RASEF: variants seen among roughly 807,000 people sequenced by gnomAD.
The protein encoded by RASEF is RAS and EF-hand domain containing, also known as ras and EF-hand domain-containing protein.
RASEF carries 68 observed loss-of-function variants against 90.1 expected under a neutral mutation model. The ratio of observed to expected loss-of-function variants is 0.75; its 90% CI spans 0.62 to 0.92. The LOEUF is 0.92. RASEF is among the 40% of genes least tolerant of loss of function. The probability of loss-of-function intolerance (pLI) is 0.00; values close to 1 mark genes in which losing one functional copy is unlikely to be tolerated. For synonymous variants in RASEF, 331 were observed against 345.2 expected (o/e 0.96, Z 0.46); for missense variants, 949 against 937.2 (o/e 1.01, Z -0.16).
At chr9:83,000,794 T>C in intron 10 of RASEF, 102 bp downstream of exon 10, 1 of 1,082,036 alleles carries the variant, frequency 9.2e-7, no homozygotes, top group South Asian at 1.5e-5. Context: ...GCTTTACATC[T>C]ATGACCTTTA....
intron 1 of RASEF, among the ~76,000 whole-genome samples, chr9:83,035,501 A>C (rs1346936458): frequency 6.6e-5 from 10 of 152,194 alleles, no homozygotes; most frequent in Non-Finnish European, 1.5e-4. Flanking sequence ...AAACTTTTTC[A>C]TATACAGAAG....
chr9:83,197,339 C>T, the RASEF span, among the ~76,000 whole-genome samples: 2 of 152,134 alleles, frequency 1.3e-5, no homozygotes, highest in Non-Finnish European at 1.5e-5. Context: ...TTATAATGCT[C>T]TTACTTCAGG....
intron 15 of RASEF, among the ~76,000 whole-genome samples, chr9:82,990,943 T>C (rs76136003): frequency 0.018 from 2,793 of 152,304 alleles, 39 homozygotes; most frequent in South Asian, 0.077. Flanking sequence ...TAGTTCTCTA[T>C]TATTCAACCT....
intron 2 of RASEF, among the ~76,000 whole-genome samples, chr9:83,023,010 T>C (rs1347772220): frequency 6.6e-6 from 1 of 152,180 alleles, no homozygotes; most frequent in Non-Finnish European, 1.5e-5. Flanking sequence ...TTAAACTAGA[T>C]TGTGGCAAAC....
chr9:83,017,829 T>C (rs1401737745), intron 3 of RASEF, among the ~76,000 whole-genome samples: 1 of 152,190 alleles, frequency 6.6e-6, no homozygotes, highest in Non-Finnish European at 1.5e-5. Context: ...CAACAATCTA[T>C]AGAAAGGATA....
At chr9:83,102,985 A>G in the RASEF span, among the ~76,000 whole-genome samples, 4 of 152,088 alleles carry the variant, frequency 2.6e-5, no homozygotes, top group Admixed American at 1.3e-4. Context: ...AAACATCAGA[A>G]TAAAAAGCCA....
the RASEF span, among the ~76,000 whole-genome samples, chr9:83,101,548 A>T: frequency 6.6e-6 from 1 of 152,218 alleles, no homozygotes; most frequent in Non-Finnish European, 1.5e-5. Context: ...ATAAAGTCAC[A>T]TTTGAGAAGT....
At chr9:83,066,264 C>T (rs1308752441), upstream of RASEF, among the ~76,000 whole-genome samples, 1 of 152,132 alleles carries the variant, frequency 6.6e-6, no homozygotes, top group Non-Finnish European at 1.5e-5. Flanking sequence ...TCTGTCTAAC[C>T]AAACCATTTC....
the RASEF span, among the ~76,000 whole-genome samples, chr9:83,213,216 A>G: frequency 1.3e-4 from 20 of 151,996 alleles, 1 homozygote; most frequent in South Asian, 3.9e-3. Context: ...CCTGGCCAAC[A>G]TGGTGAAACC....
chr9:83,022,954 G>T (rs2118562818), intron 2 of RASEF, among the ~76,000 whole-genome samples: 1 of 152,228 alleles, frequency 6.6e-6, no homozygotes, highest in South Asian at 2.1e-4. Flanking sequence ...ATTGTGATGT[G>T]GTACCTGACT....
chr9:83,021,693 T>C (rs1052178107), intron 3 of RASEF, among the ~76,000 whole-genome samples: 2 of 152,198 alleles, frequency 1.3e-5, no homozygotes, highest in African/African-American at 4.8e-5. Context: ...ATTTACATTG[T>C]GTTAAATATT....
At chr9:83,028,024 G>A (rs977404598) in intron 1 of RASEF, among the ~76,000 whole-genome samples, 11 of 152,140 alleles carry the variant, frequency 7.2e-5, no homozygotes, top group Admixed American at 1.3e-4. Context: ...ACTTTTTAAA[G>A]CAAAGAACAT....
intron 1 of RASEF, among the ~76,000 whole-genome samples, chr9:83,061,809 G>T (rs1310879434): frequency 1.3e-5 from 2 of 152,204 alleles, no homozygotes; most frequent in Non-Finnish European, 2.9e-5. Context: ...AATCTCTGCT[G>T]TTTAACTGGG....
At chr9:83,166,100 A>C in the RASEF span, among the ~76,000 whole-genome samples, 1 of 152,210 alleles carries the variant, frequency 6.6e-6, no homozygotes, top group Non-Finnish European at 1.5e-5. Context: ...AAAATATACA[A>C]ATCCTCTATA....
the RASEF span, among the ~76,000 whole-genome samples, chr9:83,210,536 C>T: frequency 6.6e-6 from 1 of 152,184 alleles, no homozygotes; most frequent in Non-Finnish European, 1.5e-5. Flanking sequence ...AGCACGCCTG[C>T]AATCTCTCAT....
chr9:83,035,017 G>A (rs537346382), intron 1 of RASEF, among the ~76,000 whole-genome samples: 3 of 152,268 alleles, frequency 2.0e-5, no homozygotes, highest in African/African-American at 4.8e-5. Context: ...TCTGGGTGGT[G>A]TTTCAAAAAG....
intron 1 of RASEF, among the ~76,000 whole-genome samples, chr9:83,032,290 G>C (rs958455724): frequency 3.9e-5 from 6 of 152,174 alleles, no homozygotes; most frequent in Admixed American, 3.9e-4. Context: ...GCACAAGTGA[G>C]TGCTGAGAAG....
In RASEF at chr9:83,015,948, T is replaced by C. The variant is rs1829336130; in HGVS notation, c.670-48A>G. The C allele has an allele frequency of 2.8e-6, 4 of 1,416,418 alleles. No homozygotes were observed. The East Asian group carries it at 9.1e-5, about 32-fold the overall frequency. 87.7% of individuals were successfully genotyped at this position (1,416,418 alleles called of 1,614,324 possible). On this transcript the variant is annotated intron_variant, in intron 3 of 16. Coordinates refer to ENST00000376447, the MANE Select transcript of RASEF (RefSeq NM_152573.4). ...GTTCATTTAAATAAGTTCACCCTCT[T>C]AACCTTCAAAACCCCACAGGTGAGA... is the stretch of plus-strand genomic sequence containing the variant.
chr9:83,102,912 T>C, the RASEF span, among the ~76,000 whole-genome samples: 2 of 152,190 alleles, frequency 1.3e-5, no homozygotes, highest in African/African-American at 4.8e-5. Context: ...CTTTGCTGTC[T>C]CTAGGAATTG....
Sources: gnomAD v4.1 joint callset for allele counts (sites outside exome capture counted in the v4.1 genomes callset) on GRCh38, gnomAD v4.1.1 for gene constraint, MANE v1.5 for transcripts, NCBI Gene and HGNC (gene_info 2026-07-23, HGNC 2026-07-21) for gene names.